The following ARHGAP24 variants were observed in gnomAD, a reference collection of about 807,000 sequenced individuals.
ARHGAP24 encodes the protein rho GTPase-activating protein 24.
Under a neutral mutation model 76.4 loss-of-function variants are expected in ARHGAP24, and 50 were observed. That is an observed-to-expected ratio of 0.65 (90% CI 0.52 to 0.83). The LOEUF (loss-of-function observed/expected upper bound fraction) is 0.83, where lower values mean the gene tolerates loss of function less well. Among genes scored for constraint, ARHGAP24 ranks in the 40% least tolerant of loss-of-function variants. ARHGAP24 has a pLI of 0.00. For synonymous variants in ARHGAP24, 345 were observed against 323.3 expected (o/e 1.07, Z -0.72); for missense variants, 930 against 914.2 (o/e 1.02, Z -0.22).
chr4:85,819,112 T>C (rs1729365778), intron 3 of ARHGAP24, among the ~76,000 whole-genome samples: 1 of 152,272 alleles, frequency 6.6e-6, no homozygotes, highest in Non-Finnish European at 1.5e-5. Context: ...ATTAAATTTT[T>C]ACACATCCTT....
At chr4:85,666,016 G>C (rs953273700) in intron 2 of ARHGAP24, among the ~76,000 whole-genome samples, 43 of 152,202 alleles carry the variant, frequency 2.8e-4, no homozygotes, top group African/African-American at 9.9e-4. Context: ...TTCTTGAGGA[G>C]TATCTTTGTG....
intron 3 of ARHGAP24, among the ~76,000 whole-genome samples, chr4:85,908,585 C>T (rs752640098): frequency 3.3e-5 from 5 of 152,158 alleles, no homozygotes; most frequent in Non-Finnish European, 5.9e-5. Context: ...AAAAAGATGA[C>T]ACACTCAACA....
At chr4:85,662,546 C>CT (rs1389885703) in intron 2 of ARHGAP24, among the ~76,000 whole-genome samples, 1 of 151,448 alleles carries the variant, frequency 6.6e-6, no homozygotes, top group African/African-American at 2.4e-5. Context: ...TCAATTTTGT[C>CT]TTTTTTTGCC....
At chr4:85,635,132 A>C (rs1245709234) in intron 2 of ARHGAP24, among the ~76,000 whole-genome samples, 2 of 151,900 alleles carry the variant, frequency 1.3e-5, no homozygotes, top group African/African-American at 4.8e-5. Flanking sequence ...TTTGTAATTA[A>C]TGCCCTCCTA....
At chr4:85,608,131 A>C (rs982079302) in intron 2 of ARHGAP24, among the ~76,000 whole-genome samples, 3 of 152,188 alleles carry the variant, frequency 2.0e-5, no homozygotes, top group African/African-American at 7.2e-5. Context: ...AATGAGCAGA[A>C]AGTGTCTTAT....
At chr4:85,503,916 G>T (rs1723927882) in intron 1 of ARHGAP24, among the ~76,000 whole-genome samples, 1 of 152,138 alleles carries the variant, frequency 6.6e-6, no homozygotes, top group South Asian at 2.1e-4. Context: ...GGTATGTTCT[G>T]TCTTTGTTCT....
chr4:85,747,680 G>A (rs1726100963), intron 3 of ARHGAP24, among the ~76,000 whole-genome samples: 1 of 150,748 alleles, frequency 6.6e-6, no homozygotes, highest in African/African-American at 2.4e-5. Flanking sequence ...TCCAGCCTGG[G>A]CTACAGAGCT....
intron 1 of ARHGAP24, among the ~76,000 whole-genome samples, chr4:85,533,021 C>T (rs1019336886): frequency 6.6e-6 from 1 of 152,164 alleles, no homozygotes; most frequent in Non-Finnish European, 1.5e-5. Flanking sequence ...TCAAGGACAT[C>T]TTCAAGGCTG....
At chr4:85,570,841 T>A in intron 2 of ARHGAP24, 120 bp downstream of exon 2, 1 of 1,168,998 alleles carries the variant, frequency 8.6e-7, no homozygotes, top group South Asian at 1.3e-5. Flanking sequence ...CAGTTCATTG[T>A]CATCTTTCAC....
At chr4:85,918,200 GTA>G (rs1560716879) in intron 3 of ARHGAP24, among the ~76,000 whole-genome samples, 1 of 151,766 alleles carries the variant, frequency 6.6e-6, no homozygotes, top group East Asian at 1.9e-4. Flanking sequence ...TTTCAATCTA[GTA>G]TCTTATTTTT....
At chr4:85,685,822 A>G (rs770601683) in intron 2 of ARHGAP24, among the ~76,000 whole-genome samples, 1 of 152,252 alleles carries the variant, frequency 6.6e-6, no homozygotes, top group Non-Finnish European at 1.5e-5. Flanking sequence ...AACAACAACC[A>G]TTGTATTACA....
intron 3 of ARHGAP24, among the ~76,000 whole-genome samples, chr4:85,786,251 A>C (rs1727837564): frequency 6.6e-6 from 1 of 151,684 alleles, no homozygotes; most frequent in South Asian, 2.1e-4. Context: ...CCATACTGGC[A>C]ACTTCTTGGA....
chr4:85,638,885 G>T (rs1298108685), intron 2 of ARHGAP24, among the ~76,000 whole-genome samples: 1 of 152,090 alleles, frequency 6.6e-6, no homozygotes, highest in Non-Finnish European at 1.5e-5. Flanking sequence ...AATACTCTTG[G>T]TTTACTTCTT....
At chr4:85,759,838 C>G (rs367573502) in intron 3 of ARHGAP24, among the ~76,000 whole-genome samples, 1 of 152,042 alleles carries the variant, frequency 6.6e-6, no homozygotes, top group East Asian at 1.9e-4. Context: ...AAAATTTCTC[C>G]CTTCAAAAAA....
Position 85,995,366 on chromosome 4 carries a change from G to T in ARHGAP24, c.1712G>T (p.Cys571Phe), listed in dbSNP as rs1044226452. The change falls in exon 9 of 10, where the codon TGT (cysteine) becomes TTT (phenylalanine). Residue 571 changes from cysteine to phenylalanine, a missense_variant. Coordinates refer to ENST00000395184, the MANE Select transcript of ARHGAP24 (RefSeq NM_001025616.3). ...TCCCTCCCTGAGAACTCCAACTCCT[G>T]TCGCTCTTCTACCACCACCTGCCCA... ...EISLPENSNS[C>F]RSSTTTCPEQ... The T allele has an allele frequency of 8.7e-6, 14 of 1,614,032 alleles. No homozygotes were observed. Among genetic ancestry groups the T allele is most frequent in the Non-Finnish European group, 1.1e-5 (13 of 1,179,994 alleles).
At position 85,618,553 on chromosome 4, in the gene ARHGAP24, T is replaced by C. The variant is rs183512802; in HGVS notation, c.180+47832T>C. Among the ~76,000 whole-genome samples, 233 of 152,206 alleles carry C rather than the reference T, an allele frequency of 1.5e-3. 1 individual carries two copies. The highest frequency in any genetic ancestry group is 5.5e-3 in the African/African-American group (227 of 41,558). ...TCTATTTTTTAGTTTTTTGAGGAAC[T>C]CCCATACTGTTTCCCATAATGGCTG... is the stretch of plus-strand genomic sequence containing the variant. On this transcript the variant is annotated intron_variant, in intron 2 of 9. Coordinates refer to ENST00000395184, the MANE Select transcript of ARHGAP24 (RefSeq NM_001025616.3).
chr4:85,886,115 T>C (rs1733552332), intron 3 of ARHGAP24, among the ~76,000 whole-genome samples: 1 of 152,154 alleles, frequency 6.6e-6, no homozygotes, highest in African/African-American at 2.4e-5. Context: ...TGGAAATGAC[T>C]GAACTCAAAA....
At chr4:85,583,963 C>G (rs1329028222) in intron 2 of ARHGAP24, among the ~76,000 whole-genome samples, 4 of 150,060 alleles carry the variant, frequency 2.7e-5, no homozygotes, top group African/African-American at 4.9e-5. Context: ...AGAGGATGTG[C>G]AGAAATAGGA....
At chr4:85,997,842 G>C (rs1740776536) in intron 9 of ARHGAP24, among the ~76,000 whole-genome samples, 1 of 151,622 alleles carries the variant, frequency 6.6e-6, no homozygotes, top group African/African-American at 2.4e-5. Flanking sequence ...TTCTTGTGGA[G>C]ACAGGGGTTT....
Sources: gnomAD v4.1 joint callset for allele counts (sites outside exome capture counted in the v4.1 genomes callset) on GRCh38, gnomAD v4.1.1 for gene constraint, MANE v1.5 for transcripts, NCBI Gene and HGNC (gene_info 2026-07-23, HGNC 2026-07-21) for gene names.